The following NAV1 variants were observed in gnomAD, a reference collection of about 807,000 sequenced individuals.
The protein encoded by NAV1 is pore membrane and/or filament interacting like protein 3.
A neutral mutation model predicts 175.2 loss-of-function variants in NAV1; 18 were observed. The observed-to-expected ratio is 0.10, with a 90% confidence interval of 0.07 to 0.15. NAV1 has a LOEUF of 0.15. Ranked by LOEUF, NAV1 falls within the 10% of genes least tolerant of loss-of-function variation. The pLI, the probability that NAV1 is intolerant of heterozygous loss-of-function variation, is 1.00. For missense variants in NAV1, 1,731 were observed against 2,436.6 expected (o/e 0.71, Z 6.10); for synonymous variants, 897 against 978.7 (o/e 0.92, Z 1.56).
At chr1:201,574,661 A>G (rs1467070705) in intron 1 of NAV1, among the ~76,000 whole-genome samples, 1 of 152,220 alleles carries the variant, frequency 6.6e-6, no homozygotes, top group Non-Finnish European at 1.5e-5. Flanking sequence ...AGCCAGAACC[A>G]CAGCCCAATT....
At chr1:201,726,357 AT>A (rs563370098) in intron 3 of NAV1, among the ~76,000 whole-genome samples, 33 of 152,322 alleles carry the variant, frequency 2.2e-4, no homozygotes, top group African/African-American at 7.7e-4. Flanking sequence ...GAAATCTATT[AT>A]TCTGGTTGGG....
intron 20 of NAV1, 25 bp from the exon 25 acceptor site, chr1:201,809,138 CA>C (rs1440772592): frequency 6.2e-7 from 1 of 1,606,930 alleles, no homozygotes; most frequent in Non-Finnish European, 8.5e-7. Flanking sequence ...CTCCTAAAAC[CA>C]GTTGGTTCTT....
At chr1:201,734,681 G>A (rs1673036422) in intron 3 of NAV1, among the ~76,000 whole-genome samples, 1 of 151,982 alleles carries the variant, frequency 6.6e-6, no homozygotes, top group African/African-American at 2.4e-5. Flanking sequence ...GCCTCTCGAG[G>A]TGGAGGGTTT....
At chr1:201,603,299 G>T (rs749953761) in intron 2 of NAV1, among the ~76,000 whole-genome samples, 2 of 152,246 alleles carry the variant, frequency 1.3e-5, no homozygotes, top group East Asian at 3.9e-4. Context: ...AGTCAATCCT[G>T]CCACCTTAAG....
At chr1:201,600,003 G>T (rs775516855) in intron 2 of NAV1, among the ~76,000 whole-genome samples, 3 of 152,188 alleles carry the variant, frequency 2.0e-5, no homozygotes, top group Non-Finnish European at 2.9e-5. Flanking sequence ...GCTCTGAACC[G>T]AGGAGACAGC....
intron 1 of NAV1, among the ~76,000 whole-genome samples, chr1:201,587,968 A>G (rs1472984753): frequency 6.6e-6 from 1 of 152,234 alleles, no homozygotes; most frequent in Non-Finnish European, 1.5e-5. Context: ...GTTAGTGGAA[A>G]TGTAAAATGG....
At position 201,539,190 on chromosome 1, in the gene NAV1, G is replaced by A. The variant is rs938311075; in HGVS notation, c.-296G>A. Among the ~76,000 whole-genome samples the A allele has an allele frequency of 6.6e-6, 1 of 152,204 alleles. No homozygotes were observed. The highest frequency in any genetic ancestry group is 2.4e-5 in the African/African-American group (1 of 41,466). On this transcript the variant is annotated 5_prime_UTR_variant, in exon 1 of 34. Transcript: ENST00000685211. The surrounding 1 kb of genome is among the most constrained non-coding windows in gnomAD (Gnocchi z 5.6). ...CCCGAGGCTGGAGTGCGCGGCGGAC[G>A]CCAAGCCTGGTGCGAGGGGCCGAGG... is the stretch of plus-strand genomic sequence containing the variant.
chr1:201,539,164 G>A lies in NAV1; in HGVS notation c.-322G>A, dbSNP rs1202057086. Among the ~76,000 whole-genome samples, 1 of 152,214 alleles carries A rather than the reference G, an allele frequency of 6.6e-6. No homozygotes were observed. Among genetic ancestry groups the A allele is most frequent in the Non-Finnish European group, 1.5e-5 (1 of 68,032 alleles). ...GGGCCGGCGGCTGCCCTAGTGCGGG[G>A]CCCGAGGCTGGAGTGCGCGGCGGAC... On this transcript the variant is annotated 5_prime_UTR_variant, in exon 1 of 34. Transcript: ENST00000685211. The surrounding 1 kb of genome is among the most constrained non-coding windows in gnomAD (Gnocchi z 5.6).
chr1:201,804,638 C>A (rs567950508), intron 17 of NAV1, 141 bp downstream of exon 21: 127 of 791,260 alleles, frequency 1.6e-4, no homozygotes, highest in Non-Finnish European at 2.4e-4. Context: ...GTAACAACCA[C>A]CCAGAGTTCC....
chr1:201,575,458 C>T (rs1380017960), intron 1 of NAV1, among the ~76,000 whole-genome samples: 1 of 152,172 alleles, frequency 6.6e-6, no homozygotes, highest in Non-Finnish European at 1.5e-5. Flanking sequence ...TTGGGAACAC[C>T]TAAATTCACT....
chr1:201,716,306 T>C (rs1047770656), intron 2 of NAV1, among the ~76,000 whole-genome samples: 1 of 152,252 alleles, frequency 6.6e-6, no homozygotes, highest in Non-Finnish European at 1.5e-5. Context: ...GACTGAGTTT[T>C]CTGATGAGAA....
chr1:201,707,691 T>A (rs1342593752), intron 1 of NAV1, among the ~76,000 whole-genome samples: 1 of 152,202 alleles, frequency 6.6e-6, no homozygotes, highest in Admixed American at 6.5e-5. Context: ...TTTTACATCA[T>A]CCTCACAGTG....
chr1:201,726,231 G>A (rs961973969), intron 3 of NAV1, among the ~76,000 whole-genome samples: 1 of 152,192 alleles, frequency 6.6e-6, no homozygotes, highest in African/African-American at 2.4e-5. Context: ...AAGCCACCTA[G>A]CCTCTCTGAG....
chr1:201,572,868 G>A (rs972199003), intron 1 of NAV1, among the ~76,000 whole-genome samples: 2 of 152,128 alleles, frequency 1.3e-5, no homozygotes, highest in African/African-American at 4.8e-5. Context: ...TTCCAGCTGT[G>A]CTCTTCTTGG....
At chr1:201,596,249 C>T (rs1667344620) in intron 2 of NAV1, among the ~76,000 whole-genome samples, 1 of 152,254 alleles carries the variant, frequency 6.6e-6, no homozygotes, top group South Asian at 2.1e-4. Context: ...CTCTGTCCAC[C>T]TGTAGACCCC....
chr1:201,793,717 C>G (rs1397074671), intron 13 of NAV1, 75 bp from the exon 18 acceptor site: 2 of 1,297,578 alleles, frequency 1.5e-6, no homozygotes, highest in Non-Finnish European at 2.2e-6. Context: ...TCAGTTAAAA[C>G]TATTTCCCAT....
chr1:201,684,600 G>T (rs563701786), intron 1 of NAV1, among the ~76,000 whole-genome samples: 12 of 150,238 alleles, frequency 8.0e-5, no homozygotes, highest in Non-Finnish European at 1.8e-4. Flanking sequence ...TCAGCCTCCT[G>T]AGTAGCTGGG....
intron 1 of NAV1, among the ~76,000 whole-genome samples, chr1:201,680,798 C>T (rs375400595): frequency 1.3e-5 from 2 of 151,868 alleles, no homozygotes; most frequent in East Asian, 3.9e-4. Context: ...GGGTGCTGCT[C>T]TAGCCTTTGG....
chr1:201,813,545 T>G lies in NAV1; in HGVS notation c.5340+287T>G, dbSNP rs960757168. ...GGGGTCAGAGCAAACAGAAAAATAA[T>G]TGAGCTAAGAAGTAAGTAAAACCCT... On this transcript the variant is annotated intron_variant, in intron 28 of 29. Coordinates refer to ENST00000367296, the Ensembl canonical transcript of NAV1. The surrounding 1 kb of genome is among the most constrained non-coding windows in gnomAD (Gnocchi z 4.2). Among the ~76,000 whole-genome samples, 1 of 152,088 alleles carries G rather than the reference T, an allele frequency of 6.6e-6. No individual in the cohort carries two copies. Among genetic ancestry groups the G allele is most frequent in the African/African-American group, 2.4e-5 (1 of 41,390 alleles).
Sources: gnomAD v4.1 joint callset for allele counts (sites outside exome capture counted in the v4.1 genomes callset) on GRCh38, gnomAD v4.1.1 for gene constraint, Gnocchi (gnomAD v3.1) non-coding constraint, MANE v1.5 for transcripts, NCBI Gene and HGNC (gene_info 2026-07-23, HGNC 2026-07-21) for gene names.